RTL4: variants seen among roughly 807,000 people sequenced by gnomAD.
The protein encoded by RTL4 is retrotransposon Gag-like protein 4.
RTL4 carries 4 observed loss-of-function variants against 5.3 expected under a neutral mutation model. The ratio of observed to expected loss-of-function variants is 0.75; its 90% CI spans 0.37 to 1.72. The LOEUF (loss-of-function observed/expected upper bound fraction) is 1.72. Among genes scored for constraint, RTL4 ranks in the 40% most tolerant of loss-of-function variants. The pLI is 0.04. For synonymous variants in RTL4, 98 were observed against 87.3 expected, an observed-to-expected ratio of 1.12 and a Z score of -0.68; for missense variants, 260 against 227.1, an observed-to-expected ratio of 1.14 and a Z score of -0.93.
chrX:112,114,096 G>A, the RTL4 span, among the ~76,000 whole-genome samples: 1 of 111,789 alleles, frequency 8.9e-6, no homozygotes, highest in East Asian at 2.8e-4. Context: ...GGTGATACGG[G>A]AGTGTATTTT....
chrX:112,184,006 C>T, the RTL4 span, among the ~76,000 whole-genome samples: 1 of 110,668 alleles, frequency 9.0e-6, no homozygotes, highest in Non-Finnish European at 1.9e-5. Flanking sequence ...GGATCACTGG[C>T]TCAAATGGTA....
the RTL4 span, among the ~76,000 whole-genome samples, chrX:112,310,788 A>G: frequency 1.3e-5 from 1 of 76,594 alleles, no homozygotes; most frequent in East Asian, 3.5e-4. Flanking sequence ...ATATATTAAT[A>G]TTATATATAA....
the RTL4 span, among the ~76,000 whole-genome samples, chrX:112,157,064 T>TTGTGTG: frequency 9.4e-3 from 903 of 96,558 alleles, 5 homozygotes; most frequent in African/African-American, 0.026. Flanking sequence ...GTTATACTGT[T>TTGTGTG]TGTGTGTGTG....
At chrX:112,347,726 TA>T in the RTL4 span, among the ~76,000 whole-genome samples, 14 of 111,541 alleles carry the variant, frequency 1.3e-4, no homozygotes, top group African/African-American at 4.5e-4. Flanking sequence ...AACCATCAAA[TA>T]AAAAGCCACA....
chrX:112,267,075 AT>A, the RTL4 span, among the ~76,000 whole-genome samples: 1 of 111,637 alleles, frequency 9.0e-6, no homozygotes, highest in African/African-American at 3.3e-5. Context: ...CCAGCACTAT[AT>A]AAACATACTG....
chrX:112,201,171 A>C, the RTL4 span, among the ~76,000 whole-genome samples: 1 of 110,866 alleles, frequency 9.0e-6, no homozygotes, highest in Non-Finnish European at 1.9e-5. Flanking sequence ...AGTCCCTTAT[A>C]AAACCATCAG....
chrX:112,232,601 G>A, the RTL4 span, among the ~76,000 whole-genome samples: 1 of 111,717 alleles, frequency 9.0e-6, no homozygotes, highest in Non-Finnish European at 1.9e-5. Context: ...ATCTCCCTGG[G>A]ATCTTGTGCT....
the RTL4 span, among the ~76,000 whole-genome samples, chrX:112,239,313 C>A: frequency 1.0e-4 from 11 of 110,465 alleles, no homozygotes; most frequent in Non-Finnish European, 2.1e-4. Flanking sequence ...TCTATCCCTG[C>A]CTAATATCAA....
chrX:112,224,055 C>T, the RTL4 span, among the ~76,000 whole-genome samples: 36 of 111,193 alleles, frequency 3.2e-4, no homozygotes, highest in East Asian at 9.1e-3. Context: ...TCTCCTTGGC[C>T]TTTCCTGAAT....
chrX:112,305,899 T>G, the RTL4 span, among the ~76,000 whole-genome samples: 1 of 111,521 alleles, frequency 9.0e-6, no homozygotes, highest in African/African-American at 3.3e-5. Context: ...CTTGCTGCCT[T>G]GCTTCAATCA....
the RTL4 span, among the ~76,000 whole-genome samples, chrX:112,240,325 T>C: frequency 9.0e-6 from 1 of 111,301 alleles, no homozygotes; most frequent in Non-Finnish European, 1.9e-5. Flanking sequence ...CCTGAGGGAA[T>C]GTATAGTAAC....
the RTL4 span, among the ~76,000 whole-genome samples, chrX:112,124,218 G>T: frequency 8.9e-6 from 1 of 111,874 alleles, no homozygotes; most frequent in Non-Finnish European, 1.9e-5. Context: ...TTACACTGTT[G>T]GTGGGAATAT....
chrX:112,373,050 G>A, the RTL4 span, among the ~76,000 whole-genome samples: 1 of 111,247 alleles, frequency 9.0e-6, no homozygotes, highest in Admixed American at 9.6e-5. Context: ...AGTGAGAACA[G>A]TTTACTCTTG....
the RTL4 span, among the ~76,000 whole-genome samples, chrX:112,232,902 C>T: frequency 9.0e-6 from 1 of 110,868 alleles, no homozygotes; most frequent in African/African-American, 3.3e-5. Context: ...GCCAAAAATC[C>T]TCACCCTATT....
the RTL4 span, among the ~76,000 whole-genome samples, chrX:112,132,830 A>G: frequency 2.7e-5 from 3 of 112,486 alleles, no homozygotes; most frequent in East Asian, 2.8e-4. Context: ...GCACTACAAT[A>G]AGGTAAGTTC....
chrX:112,137,489 G>A, the RTL4 span, among the ~76,000 whole-genome samples: 12 of 111,890 alleles, frequency 1.1e-4, no homozygotes, highest in Non-Finnish European at 1.9e-4. Context: ...AGGAGAGTGA[G>A]TGTGTGAAGG....
chrX:112,184,233 A>AG, the RTL4 span, among the ~76,000 whole-genome samples: 1 of 108,827 alleles, frequency 9.2e-6, no homozygotes, highest in African/African-American at 3.4e-5. Flanking sequence ...GGATAGCATT[A>AG]GGAGATATAT....
the RTL4 span, among the ~76,000 whole-genome samples, chrX:112,211,868 GA>G: frequency 8.9e-6 from 1 of 112,064 alleles, no homozygotes; most frequent in East Asian, 2.8e-4. Context: ...GGGGAATGAT[GA>G]AACAAATAAA....
the RTL4 span, among the ~76,000 whole-genome samples, chrX:112,183,004 A>C: frequency 8.9e-6 from 1 of 112,272 alleles, no homozygotes; most frequent in Non-Finnish European, 1.9e-5. Context: ...CTGGGAGCCA[A>C]TATTCCACAT....
Sources: gnomAD v4.1 joint callset for allele counts (sites outside exome capture counted in the v4.1 genomes callset) on GRCh38, gnomAD v4.1.1 for gene constraint, MANE v1.5 for transcripts, NCBI Gene and HGNC (gene_info 2026-07-23, HGNC 2026-07-21) for gene names.